Variants in CFAP43 observed in about 807,000 individuals in gnomAD.
The protein encoded by CFAP43 is cilia- and flagella-associated protein 43.
In CFAP43, 155 loss-of-function variants were observed where a neutral mutation model predicts 218.9. The observed-to-expected ratio is 0.71, with a 90% CI of 0.62 to 0.81. The LOEUF (loss-of-function observed/expected upper bound fraction) is 0.81, where lower values mean the gene tolerates loss of function less well. Ranked by LOEUF, CFAP43 falls within the 30% of genes least tolerant of loss-of-function variation. CFAP43 has a pLI of 0.00. For synonymous variants in CFAP43, 645 were observed against 681.3 expected, an observed-to-expected ratio of 0.95 and a Z score of 0.83; for missense variants, 1,778 against 1,954.3, an observed-to-expected ratio of 0.91 and a Z score of 1.70.
rs773743347 is a variant in CFAP43, at chr10:104,130,230, A to G, written c.4907T>C (p.Ile1636Thr). The change falls in exon 38 of 38, where the codon ATT becomes ACT. Residue 1636 changes from isoleucine (I) to threonine (T), a missense_variant. Physicochemically the swap from Ile to Thr is moderately conservative, Grantham distance 89. Around this residue, in one of 3 missense-constraint regions of CFAP43, gnomAD observed 211 missense variants for 230.6 expected, o/e 0.91. Transcript: ENST00000357060. Reference sequence around the variant, plus strand: ...AATCTGTTCAGCTTGTTGTTTTGAAATATTTGTTAACTTCTGCTGTTGCAT... The same window carrying G: ...AATCTGTTCAGCTTGTTGTTTTGAAGTATTTGTTAACTTCTGCTGTTGCAT... ...NMMQQQKLTN[I>T]SKQQAEQISI... The G allele has an allele frequency of 1.2e-6, 2 of 1,613,278 alleles. No individual in the cohort carries two copies. Among genetic ancestry groups the G allele is most frequent in the South Asian group, 1.1e-5 (1 of 90,834 alleles).
chr10:104,147,833 A>G, intron 29 of CFAP43, 58 bp downstream of exon 29: 1 of 1,253,048 alleles, frequency 8.0e-7, no homozygotes, highest in African/African-American at 1.5e-5. Context: ...GCTCTTGCTA[A>G]ATGAGGGGCA....
intron 10 of CFAP43, among the ~76,000 whole-genome samples, chr10:104,195,596 T>G (rs1255648250): frequency 6.6e-6 from 1 of 152,194 alleles, no homozygotes; most frequent in Admixed American, 6.5e-5. Context: ...TAATTAAGAT[T>G]TTAGTTTTAT....
intron 11 of CFAP43, chr10:104,193,602 T>A (rs1008490636): frequency 3.9e-5 from 15 of 384,242 alleles, no homozygotes; most frequent in Admixed American, 2.4e-4. Context: ...AAGTGCTTAT[T>A]ATGTTTTGCT....
In CFAP43 at chr10:104,187,495, A is replaced by C; in HGVS notation, c.1688-3T>G. On this transcript the variant is annotated splice_polypyrimidine_tract_variant and splice_region_variant and intron_variant, in intron 13 of 37. Coordinates refer to ENST00000357060, the MANE Select transcript of CFAP43 (RefSeq NM_025145.7). ...TTCATCAGCAAAGGTTGTGGAAACT[A>C]TTAGATTTGGAAAAAGAAGAGAAAT... 6.5e-7 allele frequency: 1 copy of C among 1,545,536 alleles called. No individual in the cohort carries two copies. The highest frequency in any genetic ancestry group is 8.7e-7 in the Non-Finnish European group (1 of 1,151,696).
intron 8 of CFAP43, among the ~76,000 whole-genome samples, chr10:104,198,764 C>A (rs1170142365): frequency 1.3e-5 from 2 of 152,038 alleles, no homozygotes; most frequent in East Asian, 3.9e-4. Context: ...GATTCTCCTG[C>A]CTCAGCCTCC....
At chr10:104,205,937 T>C in intron 7 of CFAP43, 26 bp downstream of exon 7, 1 of 1,593,144 alleles carries the variant, frequency 6.3e-7, no homozygotes, top group Non-Finnish European at 8.5e-7. Context: ...TTTAAACCAA[T>C]TAATTTGAAA....
chr10:104,173,715 C>T (rs553031125), intron 19 of CFAP43, among the ~76,000 whole-genome samples: 25 of 152,320 alleles, frequency 1.6e-4, no homozygotes, highest in African/African-American at 6.0e-4. Context: ...CACCCCTTCA[C>T]TTTTTACTGA....
rs187357088 is a variant in CFAP43, at chr10:104,154,532, A to C, written c.3541-1806T>G. On this transcript the variant is annotated intron_variant, in intron 27 of 37. Coordinates refer to ENST00000357060, the MANE Select transcript of CFAP43 (RefSeq NM_025145.7). ...TCTCATAGCCACGGAAAAGTCCCAC[A>C]GATTGTGTCCTTCTGGTGGCCCTTT... 2.1e-4 allele frequency among the ~76,000 whole-genome samples: 32 copies of C among 152,360 alleles called. No individual in the cohort carries two copies. In the East Asian group the frequency reaches 5.6e-3, roughly 27 times the overall value.
At chr10:104,202,769 A>G (rs1223810366) in intron 8 of CFAP43, among the ~76,000 whole-genome samples, 8 of 148,778 alleles carry the variant, frequency 5.4e-5, no homozygotes, top group African/African-American at 2.0e-4. Flanking sequence ...CCTATTCTCC[A>G]TAGATATTTT....
intron 14 of CFAP43, 90 bp from the exon 15 acceptor site, chr10:104,186,213 T>C (rs1254079185): frequency 1.9e-6 from 2 of 1,071,502 alleles, no homozygotes; most frequent in Non-Finnish European, 2.5e-6. Flanking sequence ...TTGTATATTG[T>C]CATTGTAAAT....
At chr10:104,212,754 A>G (rs1054519175) in intron 4 of CFAP43, among the ~76,000 whole-genome samples, 1 of 152,212 alleles carries the variant, frequency 6.6e-6, no homozygotes, top group African/African-American at 2.4e-5. Flanking sequence ...TTAATTTATA[A>G]TATGGTTATA....
At position 104,167,600 on chromosome 10, in the gene CFAP43, C is replaced by G. The variant is rs763979552; in HGVS notation, c.2808+21G>C. ...ATAAAGCACATCACTTATATAAACA[C>G]ATGTATATTTAAAATAGTACTTTAA... On this transcript the variant is annotated intron_variant, in intron 22 of 37. Coordinates refer to ENST00000357060, the MANE Select transcript of CFAP43 (RefSeq NM_025145.7). The G allele has an allele frequency of 6.4e-6, 10 of 1,558,346 alleles. No homozygotes were observed. The East Asian group carries it at 1.4e-4, about 21-fold the overall frequency.
intron 19 of CFAP43, among the ~76,000 whole-genome samples, chr10:104,175,701 C>T (rs564667780): frequency 5.9e-5 from 9 of 152,224 alleles, no homozygotes; most frequent in African/African-American, 1.4e-4. Flanking sequence ...AGTATGGTAC[C>T]GCATATTGCT....
chr10:104,211,941 C>A lies in CFAP43; in HGVS notation c.735+66G>T, dbSNP rs1184506093. Reference sequence around the variant, plus strand: ...TTTCTCAAGGGATGGTTATGCCAATCAAATGAGATCAGGCTTCCTAGACCT... The same window carrying A: ...TTTCTCAAGGGATGGTTATGCCAATAAAATGAGATCAGGCTTCCTAGACCT... On this transcript the variant is annotated intron_variant, in intron 5 of 37. Transcript: ENST00000357060. 4.6e-6 allele frequency: 7 copies of A among 1,534,108 alleles called. No homozygotes were observed. The African/African-American group carries it at 9.7e-5, about 21-fold the overall frequency.
At position 104,193,886 on chromosome 10, in the gene CFAP43, T is replaced by A. The variant is rs773302289; in HGVS notation, c.1422A>T (p.Glu474Asp). 6.2e-7 allele frequency: 1 copy of A among 1,614,114 alleles called. No homozygotes were observed. The highest frequency in any genetic ancestry group is 1.1e-5 in the South Asian group (1 of 91,074). Residue 474 changes from glutamate to aspartate, a missense_variant, in exon 11 of 38, where the codon GAA becomes GAT. Physicochemically the swap from Glu to Asp is conservative, Grantham distance 45. Transcript: ENST00000357060. ...CTTACACGACGTGCTGCACGGACGA[T>A]TCCGAGAGAAAGGCCTTGTGCACGA... ...PQVVHKAFLS[E>D]SSVQHVVYDQ...
intron 4 of CFAP43, among the ~76,000 whole-genome samples, chr10:104,213,419 A>C (rs1589793835): frequency 6.6e-6 from 1 of 152,180 alleles, no homozygotes; most frequent in East Asian, 1.9e-4. Context: ...ACCCATTATC[A>C]CCACGGCATT....
At chr10:104,157,858 GGTCTCTAAATACCAATTGCCAGCA>G (rs1267902583) in intron 27 of CFAP43, among the ~76,000 whole-genome samples, 7 of 147,316 alleles carry the variant, frequency 4.8e-5, no homozygotes, top group African/African-American at 1.8e-4. Flanking sequence ...TCCAGATCTT[GGTCTCTAAATACCAATTGCCAGCA>G]AAAGGAATCC....
intron 20 of CFAP43, among the ~76,000 whole-genome samples, chr10:104,171,239 T>C (rs1167024919): frequency 1.3e-5 from 2 of 152,184 alleles, no homozygotes; most frequent in African/African-American, 4.8e-5. Context: ...AGCACCTAGA[T>C]TAATATGCCC....
intron 7 of CFAP43, among the ~76,000 whole-genome samples, chr10:104,204,171 T>A (rs924918849): frequency 5.3e-5 from 8 of 152,326 alleles, no homozygotes; most frequent in African/African-American, 1.9e-4. Context: ...CAAAGGACAC[T>A]AGCCCTCCTG....
Sources: allele counts gnomAD v4.1 joint callset (sites outside exome capture counted in the v4.1 genomes callset), GRCh38; gene constraint gnomAD v4.1.1; regional missense constraint gnomAD v4.1.1; transcripts MANE v1.5; gene names NCBI Gene and HGNC (gene_info 2026-07-23, HGNC 2026-07-21).